Variants in TMEM131 observed in about 807,000 individuals in gnomAD.
TMEM131 encodes the protein 2610524E03Rik.
In TMEM131, 66 loss-of-function variants were observed where a neutral mutation model predicts 211.6. That is an observed-to-expected ratio of 0.31 (90% confidence interval 0.26 to 0.38). TMEM131 has a LOEUF of 0.38. Ranked by LOEUF, TMEM131 falls within the 10% of genes least tolerant of loss-of-function variation. TMEM131 has a pLI of 1.00. For missense variants in TMEM131, 2,036 were observed against 2,299.3 expected (o/e 0.89, Z 2.34); for synonymous variants, 844 against 841.3 (o/e 1.00, Z -0.06).
At chr2:97,864,071 G>C (rs1483263612) in intron 4 of TMEM131, among the ~76,000 whole-genome samples, 1 of 152,182 alleles carries the variant, frequency 6.6e-6, no homozygotes, top group Non-Finnish European at 1.5e-5. Context: ...CCTGTCATTT[G>C]CAACAACCTG....
At chr2:97,989,277 C>CAAAA (rs768850056) in intron 1 of TMEM131, among the ~76,000 whole-genome samples, 1 of 103,846 alleles carries the variant, frequency 9.6e-6, no homozygotes. Flanking sequence ...AAAAACAAAA[C>CAAAA]AAAAAAAAAA....
At chr2:97,843,856 A>T (rs967948152) in intron 6 of TMEM131, among the ~76,000 whole-genome samples, 1 of 152,222 alleles carries the variant, frequency 6.6e-6, no homozygotes, top group Non-Finnish European at 1.5e-5. Context: ...TAAGTGTGTA[A>T]AAGTAAAAAT....
chr2:97,933,101 T>C (rs1487937811), intron 1 of TMEM131, among the ~76,000 whole-genome samples: 1 of 152,200 alleles, frequency 6.6e-6, no homozygotes, highest in African/African-American at 2.4e-5. Flanking sequence ...TAGTAGGCTA[T>C]ACCACCTAGG....
intron 2 of TMEM131, among the ~76,000 whole-genome samples, chr2:97,911,997 AAAT>A (rs1676310463): frequency 6.6e-6 from 1 of 152,184 alleles, no homozygotes; most frequent in Non-Finnish European, 1.5e-5. Flanking sequence ...CAGTGAGACT[AAAT>A]AAGATAAACT....
intron 3 of TMEM131, among the ~76,000 whole-genome samples, chr2:97,894,422 T>TC (rs762148870): frequency 2.6e-5 from 4 of 152,196 alleles, no homozygotes; most frequent in Non-Finnish European, 4.4e-5. Flanking sequence ...TGAAGAAAAG[T>TC]CAATAGTAGC....
chr2:97,970,238 C>G (rs1202447494), intron 1 of TMEM131, among the ~76,000 whole-genome samples: 2 of 152,156 alleles, frequency 1.3e-5, no homozygotes, highest in Non-Finnish European at 2.9e-5. Flanking sequence ...TGGCCTTAGA[C>G]TCCCCTTGGC....
intron 31 of TMEM131, among the ~76,000 whole-genome samples, chr2:97,789,323 T>C (rs1334012047): frequency 6.6e-6 from 1 of 152,222 alleles, no homozygotes; most frequent in Non-Finnish European, 1.5e-5. Context: ...TCCCAATTCT[T>C]ACCCTTGAGA....
chr2:97,841,672 T>TCAATAC, intron 7 of TMEM131, 143 bp downstream of exon 7: 1 of 775,776 alleles, frequency 1.3e-6, no homozygotes, highest in East Asian at 3.4e-5. Context: ...CAGCAAGCTG[T>TCAATAC]ACTAAAAGTA....
intron 1 of TMEM131, among the ~76,000 whole-genome samples, chr2:97,973,010 A>C (rs914807111): frequency 2.0e-5 from 3 of 152,222 alleles, no homozygotes; most frequent in Non-Finnish European, 2.9e-5. Flanking sequence ...TCTTGATTTT[A>C]GCCTGTGAGA....
chr2:97,995,425 C>T (rs1680455392), intron 1 of TMEM131, 51 bp downstream of exon 1: 2 of 1,311,862 alleles, frequency 1.5e-6, no homozygotes, highest in Admixed American at 4.1e-5. Flanking sequence ...CCGGCCTCCG[C>T]GAGAGCGGGG....
Position 97,876,187 on chromosome 2 carries a change from A to G in TMEM131, c.359+11865T>C, listed in dbSNP as rs139330418. Among the ~76,000 whole-genome samples the G allele has an allele frequency of 3.2e-3, 491 of 152,334 alleles. 7 individuals are homozygous for G. The East Asian group carries it at 0.041, about 13-fold the overall frequency. On this transcript the variant is annotated intron_variant, in intron 4 of 40. Coordinates refer to ENST00000186436, the MANE Select transcript of TMEM131 (RefSeq NM_015348.2). ...AGTCGAATCCCTGAATAGACCAATA[A>G]CAAGTTCTGAAATTGAGGCAGTAAT...
chr2:97,916,963 T>C (rs934983070), intron 2 of TMEM131, among the ~76,000 whole-genome samples: 1 of 152,192 alleles, frequency 6.6e-6, no homozygotes, highest in African/African-American at 2.4e-5. Flanking sequence ...TTCTACAAGC[T>C]TATATTTCTT....
chr2:97,959,225 A>T (rs1678706422), intron 1 of TMEM131, among the ~76,000 whole-genome samples: 1 of 152,216 alleles, frequency 6.6e-6, no homozygotes, highest in South Asian at 2.1e-4. Flanking sequence ...GGGGAGACAC[A>T]AACTGAGGTT....
intron 11 of TMEM131, among the ~76,000 whole-genome samples, chr2:97,832,733 A>G (rs889783570): frequency 6.6e-6 from 1 of 152,224 alleles, no homozygotes; most frequent in African/African-American, 2.4e-5. Flanking sequence ...CTCATCAGGG[A>G]GAGACGTTGT....
chr2:97,959,842 T>C (rs545103821), intron 1 of TMEM131, among the ~76,000 whole-genome samples: 8 of 152,302 alleles, frequency 5.3e-5, no homozygotes, highest in South Asian at 4.1e-4. Flanking sequence ...TTATATTTGG[T>C]TGTCACTTTA....
Position 97,859,288 on chromosome 2 carries a change from T to C in TMEM131, c.483+16A>G. ...CTTCAAACTCAGGAAAGATCATGTA[T>C]AGCAGAGAAACTTACCCTATTTTGA... On this transcript the variant is annotated intron_variant, in intron 5 of 40. Transcript: ENST00000186436. 13 of 1,587,710 alleles carry C rather than the reference T, an allele frequency of 8.2e-6. No homozygotes were observed. In the Middle Eastern group the frequency reaches 2.2e-3, roughly 265 times the overall value.
Position 97,775,895 on chromosome 2 carries a change from G to A in TMEM131, c.4268C>T (p.Ser1423Phe). 6.2e-7 allele frequency: 1 copy of A among 1,613,924 alleles called. No homozygotes were observed. The highest frequency in any genetic ancestry group is 8.5e-7 in the Non-Finnish European group (1 of 1,179,854). The change falls in exon 32 of 41, where the codon TCC (serine) becomes TTC (phenylalanine). Residue 1423 changes from serine to phenylalanine, a missense_variant. Physicochemically the swap from Ser to Phe is radical, Grantham distance 155 (BLOSUM62 -2). Transcript: ENST00000186436. ...GTTGGAGGTCTCTGTGGTGGTGGAG[G>A]AGCTATCATCATCAGCCAAAGAGTC... is the stretch of plus-strand genomic sequence containing the variant. The part of the protein sequence containing the change: ...LKDSLADDDS[S>F]STTTETSNPD...
chr2:97,808,888 C>A (rs1436983966), intron 19 of TMEM131, among the ~76,000 whole-genome samples: 1 of 152,106 alleles, frequency 6.6e-6, no homozygotes, highest in East Asian at 1.9e-4. Context: ...CGCAGGAGTT[C>A]TTTGAAGGAA....
chr2:97,951,941 G>C (rs1372951005), intron 1 of TMEM131, among the ~76,000 whole-genome samples: 1 of 151,988 alleles, frequency 6.6e-6, no homozygotes, highest in African/African-American at 2.4e-5. Flanking sequence ...GGCAGATCAC[G>C]AGATCAGGAG....
Sources: allele counts gnomAD v4.1 joint callset (sites outside exome capture counted in the v4.1 genomes callset), GRCh38; gene constraint gnomAD v4.1.1; transcripts MANE v1.5; gene names NCBI Gene and HGNC (gene_info 2026-07-23, HGNC 2026-07-21).